Variants in NALCN observed in about 807,000 individuals in gnomAD.
The protein encoded by NALCN is sodium leak channel, non-selective.
Under a neutral mutation model 225.3 loss-of-function variants are expected in NALCN, and 111 were observed. The observed-to-expected ratio is 0.49, with a 90% CI of 0.42 to 0.58. The LOEUF (loss-of-function observed/expected upper bound fraction) is 0.58, where lower values mean the gene tolerates loss of function less well. Among genes scored for constraint, NALCN ranks in the 20% least tolerant of loss-of-function variants. The probability of loss-of-function intolerance (pLI) is 0.00; values close to 1 mark genes in which losing one functional copy is unlikely to be tolerated. For missense variants in NALCN, 1,378 were observed against 2,202.4 expected (o/e 0.63, Z 7.49); for synonymous variants, 764 against 769.0 (o/e 0.99, Z 0.11).
intron 14 of NALCN, among the ~76,000 whole-genome samples, chr13:101,178,940 T>A (rs1594373788): frequency 6.6e-6 from 1 of 152,170 alleles, no homozygotes; most frequent in East Asian, 1.9e-4. Flanking sequence ...CCTCTACCTT[T>A]AAGGAGAGGT....
Position 101,059,946 on chromosome 13 carries a change from T to C in NALCN, c.4777A>G (p.Ile1593Val). Residue 1593 changes from isoleucine (I) to valine (V), a missense_variant, in exon 42 of 44, where the codon ATC (isoleucine) becomes GTC (valine). Ile to Val is a conservative substitution (Grantham distance 29). Coordinates refer to ENST00000251127, the MANE Select transcript of NALCN (RefSeq NM_052867.4). ...TGACTCTCTCTCAGGCTGTGGATGA[T>C]ACTGCACGACTGCTGCTGTTTCTAT... ...IRAKQQQSCS[I>V]IHSLRESQQQ... 1 of 1,614,090 alleles carries C rather than the reference T, an allele frequency of 6.2e-7. No homozygotes were observed. Among genetic ancestry groups the C allele is most frequent in the Non-Finnish European group, 8.5e-7 (1 of 1,180,012 alleles).
At chr13:101,400,472 T>C (rs1205035416) in intron 1 of NALCN, among the ~76,000 whole-genome samples, 1 of 151,740 alleles carries the variant, frequency 6.6e-6, no homozygotes, top group East Asian at 1.9e-4. Flanking sequence ...GCTCCATGGG[T>C]CTAGAGAAAG....
chr13:101,117,600 T>G (rs2035778008), intron 18 of NALCN, among the ~76,000 whole-genome samples: 2 of 152,264 alleles, frequency 1.3e-5, no homozygotes, highest in Admixed American at 1.3e-4. Flanking sequence ...GAATGCCATA[T>G]AGTTAGAATC....
chr13:101,320,246 T>C (rs2044699232), intron 7 of NALCN, among the ~76,000 whole-genome samples: 1 of 152,222 alleles, frequency 6.6e-6, no homozygotes, highest in Non-Finnish European at 1.5e-5. Flanking sequence ...AACCATGAGT[T>C]TCCTCAAATT....
chr13:101,132,388 T>G lies in NALCN; in HGVS notation c.2119-7707A>C, dbSNP rs2036560570. Among the ~76,000 whole-genome samples the G allele has an allele frequency of 2.0e-5, 3 of 152,144 alleles. No individual in the cohort carries two copies. The South Asian group carries it at 6.2e-4, about 31-fold the overall frequency. ...TTCTAGGACACTGATGTGTATATAT[T>G]TAGAAGTCTGTGGTAAATGGTTACA... On this transcript the variant is annotated intron_variant, in intron 17 of 43. Transcript: ENST00000251127.
intron 6 of NALCN, among the ~76,000 whole-genome samples, chr13:101,355,370 A>G (rs2046024240): frequency 9.3e-6 from 1 of 107,910 alleles, no homozygotes; most frequent in Non-Finnish European, 1.9e-5. Context: ...AGCAAATGGA[A>G]AGAAAAAAAA....
intron 12 of NALCN, 133 bp from the exon 13 acceptor site, chr13:101,229,717 G>T: frequency 2.9e-6 from 2 of 694,242 alleles, no homozygotes; most frequent in Non-Finnish European, 4.2e-6. Flanking sequence ...AATATCTAGT[G>T]ACTAAAATTA....
At chr13:101,401,523 G>A (rs1259947666) in intron 1 of NALCN, among the ~76,000 whole-genome samples, 2 of 152,164 alleles carry the variant, frequency 1.3e-5, no homozygotes, top group East Asian at 3.8e-4. Context: ...CTGAGCAGTG[G>A]AGACAATGGG....
chr13:101,126,071 G>A (rs2036214031), intron 17 of NALCN, among the ~76,000 whole-genome samples: 1 of 152,170 alleles, frequency 6.6e-6, no homozygotes, highest in African/African-American at 2.4e-5. Context: ...TACAAACAAA[G>A]CTATGAACAA....
chr13:101,279,876 TA>T (rs1555328555), intron 10 of NALCN, among the ~76,000 whole-genome samples: 1 of 148,934 alleles, frequency 6.7e-6, no homozygotes, highest in African/African-American at 2.5e-5. Flanking sequence ...AATAAATAAA[TA>T]AAAAGAAGTG....
intron 6 of NALCN, among the ~76,000 whole-genome samples, chr13:101,374,613 T>G (rs1220534859): frequency 6.6e-6 from 1 of 152,146 alleles, no homozygotes; most frequent in Non-Finnish European, 1.5e-5. Flanking sequence ...TAAGTAGGTA[T>G]GAGATGCATG....
chr13:101,072,727 G>T (rs1488647581), intron 37 of NALCN, among the ~76,000 whole-genome samples: 3 of 152,132 alleles, frequency 2.0e-5, no homozygotes, highest in Admixed American at 6.5e-5. Context: ...ACAGTTGAGT[G>T]CTGTGCAGTC....
intron 40 of NALCN, among the ~76,000 whole-genome samples, chr13:101,064,559 T>TACAC (rs57799563): frequency 0.042 from 6,268 of 148,154 alleles, 197 homozygotes; most frequent in African/African-American, 0.095. Context: ...TGAACATAGA[T>TACAC]ACACACACAC....
intron 13 of NALCN, among the ~76,000 whole-genome samples, chr13:101,205,510 A>C (rs1489428529): frequency 6.6e-6 from 1 of 152,122 alleles, no homozygotes; most frequent in Non-Finnish European, 1.5e-5. Context: ...AGAGCATGGT[A>C]TTTTTAGTTG....
chr13:101,411,357 T>G (rs941456687), intron 1 of NALCN, among the ~76,000 whole-genome samples: 2 of 151,592 alleles, frequency 1.3e-5, no homozygotes, highest in African/African-American at 2.4e-5. Context: ...TTTTTTTTTT[T>G]TTTTGAGACG....
chr13:101,190,206 T>C (rs2039627544), intron 14 of NALCN, among the ~76,000 whole-genome samples: 2 of 152,190 alleles, frequency 1.3e-5, no homozygotes, highest in South Asian at 4.1e-4. Context: ...GTTGCTTTAT[T>C]AGGAAAACGA....
Position 101,292,208 on chromosome 13 carries a change from C to G in NALCN, c.942+16G>C. ...TCACAGAACATAGACTTTCTTAGTA[C>G]AATTCTTCGCAGTACCTTCACAAGC... On this transcript the variant is annotated intron_variant, in intron 8 of 43. Transcript: ENST00000251127. The surrounding 1 kb of genome is among the most constrained non-coding windows in gnomAD (Gnocchi z 4.3). The G allele has an allele frequency of 6.2e-7, 1 of 1,613,682 alleles. No homozygotes were observed. Among genetic ancestry groups the G allele is most frequent in the East Asian group, 2.2e-5 (1 of 44,826 alleles).
At chr13:101,103,730 T>C (rs903854579) in intron 25 of NALCN, among the ~76,000 whole-genome samples, 1 of 152,198 alleles carries the variant, frequency 6.6e-6, no homozygotes, top group African/African-American at 2.4e-5. Context: ...CTCCTTGTTG[T>C]CTCTGCAAAG....
chr13:101,225,376 C>T (rs1406821121), intron 13 of NALCN, among the ~76,000 whole-genome samples: 1 of 152,172 alleles, frequency 6.6e-6, no homozygotes, highest in African/African-American at 2.4e-5. Flanking sequence ...TCCTCCTAAT[C>T]AATCTTCACC....
Sources: gnomAD v4.1 joint callset for allele counts (sites outside exome capture counted in the v4.1 genomes callset) on GRCh38, gnomAD v4.1.1 for gene constraint, Gnocchi (gnomAD v3.1) non-coding constraint, MANE v1.5 for transcripts, NCBI Gene and HGNC (gene_info 2026-07-23, HGNC 2026-07-21) for gene names.